Variants in CTNND2 observed in about 807,000 individuals in gnomAD.
The protein encoded by CTNND2 is catenin delta-2.
Under a neutral mutation model 144.4 loss-of-function variants are expected in CTNND2, and 22 were observed. The observed-to-expected ratio is 0.15, with a 90% CI of 0.11 to 0.22. The LOEUF (loss-of-function observed/expected upper bound fraction) is 0.22. Among genes scored for constraint, CTNND2 ranks in the 10% least tolerant of loss-of-function variants. The pLI, the probability that CTNND2 is intolerant of heterozygous loss-of-function variation, is 1.00. For missense variants in CTNND2, 1,353 were observed against 1,618.8 expected (o/e 0.84, Z 2.82); for synonymous variants, 751 against 695.6 (o/e 1.08, Z -1.25).
At chr5:11,870,754 G>C (rs1735039319) in intron 1 of CTNND2, among the ~76,000 whole-genome samples, 1 of 152,176 alleles carries the variant, frequency 6.6e-6, no homozygotes, top group South Asian at 2.1e-4. Context: ...TGCAAGAACT[G>C]GCAGGAAAAT....
chr5:11,391,845 G>A (rs940281246), intron 6 of CTNND2, among the ~76,000 whole-genome samples: 8 of 152,314 alleles, frequency 5.3e-5, no homozygotes, highest in African/African-American at 1.9e-4. Flanking sequence ...GGTTTACCTG[G>A]TGGTGATGTC....
At chr5:11,426,177 C>A (rs1254598715) in intron 3 of CTNND2, among the ~76,000 whole-genome samples, 1 of 152,178 alleles carries the variant, frequency 6.6e-6, no homozygotes, top group African/African-American at 2.4e-5. Context: ...GTTGTAGCCC[C>A]CCTTGAAAAA....
At chr5:11,595,293 C>T (rs563427895) in intron 2 of CTNND2, among the ~76,000 whole-genome samples, 66 of 152,306 alleles carry the variant, frequency 4.3e-4, no homozygotes, top group African/African-American at 1.6e-3. Flanking sequence ...AACCCCAGTG[C>T]TGCCTGCTGC....
At chr5:11,442,201 C>T (rs1764330127) in intron 3 of CTNND2, among the ~76,000 whole-genome samples, 1 of 152,082 alleles carries the variant, frequency 6.6e-6, no homozygotes, top group Admixed American at 6.5e-5. Context: ...ATTTATTTTG[C>T]ATCTTATTAT....
At chr5:11,842,677 C>T (rs1196880111) in intron 1 of CTNND2, among the ~76,000 whole-genome samples, 1 of 151,080 alleles carries the variant, frequency 6.6e-6, no homozygotes, top group Non-Finnish European at 1.5e-5. Context: ...GGAGATGGTG[C>T]CACTGCACTC....
At chr5:11,139,350 G>A (rs998731611) in intron 12 of CTNND2, among the ~76,000 whole-genome samples, 2 of 152,188 alleles carry the variant, frequency 1.3e-5, no homozygotes, top group Non-Finnish European at 2.9e-5. Flanking sequence ...CTGCGTGTTA[G>A]AGTTCAGGAC....
intron 9 of CTNND2, among the ~76,000 whole-genome samples, chr5:11,303,691 A>C (rs1210626314): frequency 6.6e-6 from 1 of 152,152 alleles, no homozygotes; most frequent in East Asian, 1.9e-4. Context: ...AGGAGGAAGT[A>C]TGTGGTAATG....
intron 12 of CTNND2, among the ~76,000 whole-genome samples, chr5:11,157,753 C>G (rs1758360733): frequency 6.6e-6 from 1 of 152,212 alleles, no homozygotes; most frequent in Admixed American, 6.5e-5. Flanking sequence ...TCACAGATGT[C>G]TGCATGACAA....
Position 11,022,915 on chromosome 5 carries a change from T to C in CTNND2, c.2853A>G (p.Ala951=), listed in dbSNP as rs771249709. 15 of 1,614,114 alleles carry C rather than the reference T, an allele frequency of 9.3e-6. No individual in the cohort carries two copies. In the South Asian group the frequency reaches 1.6e-4, roughly 18 times the overall value. Residue 951 remains alanine, a synonymous_variant, in exon 17 of 22, where the codon GCA becomes GCG. Transcript: ENST00000304623. ...LPGGNNSNNT[A]SKAMSDDTVT... is the part of the protein sequence containing the mutation. ...CTGTGTCATCCGACATGGCCTTGCTTGCAGTGTTGTTGCTGTTGTTCCCTC... is the reference window on the plus strand; with the variant it reads ...CTGTGTCATCCGACATGGCCTTGCTCGCAGTGTTGTTGCTGTTGTTCCCTC...
intron 2 of CTNND2, among the ~76,000 whole-genome samples, chr5:11,634,670 C>A (rs1781589131): frequency 6.6e-6 from 1 of 151,910 alleles, no homozygotes; most frequent in Non-Finnish European, 1.5e-5. Flanking sequence ...GATGAAATGG[C>A]CCAGAAAGTA....
Position 11,385,091 on chromosome 5 carries a change from C to T in CTNND2, c.751G>A (p.Ala251Thr), listed in dbSNP as rs750989092. 5.8e-4 allele frequency: 570 copies of T among 981,866 alleles called. 3 individuals carry two copies. In the African/African-American group the frequency reaches 9.4e-3, roughly 16 times the overall value. The allele number at this position is 981,866 out of a possible 1,614,324, so 60.8% of individuals were successfully genotyped here. A position where few individuals can be genotyped will look rare whatever the true frequency, so the allele number is the denominator to read the frequency against. ...PDAPPAAAAA[A>T]LYYSSSTLPA... ...AGCGTGGAGCTGGAGTAGTAGAGCGCGGCGGCGGCGGCGGCGGGCGGCGCG... is the reference window on the plus strand; with the variant it reads ...AGCGTGGAGCTGGAGTAGTAGAGCGTGGCGGCGGCGGCGGCGGGCGGCGCG... The change falls in exon 7 of 22, where the codon GCG (alanine) becomes ACG (threonine). Residue 251 changes from alanine to threonine, a missense_variant. Ala to Thr is a moderately conservative substitution (Grantham distance 58, BLOSUM62 0). Coordinates refer to ENST00000304623, the MANE Select transcript of CTNND2 (RefSeq NM_001332.4).
chr5:11,109,841 T>C (rs961420662), intron 14 of CTNND2, among the ~76,000 whole-genome samples: 1 of 98,294 alleles, frequency 1.0e-5, no homozygotes, highest in Non-Finnish European at 2.7e-5. Flanking sequence ...TACTCTGCTT[T>C]TTCAAGAAAC....
rs111799738 is a variant in CTNND2 at position 10,977,097 on chromosome 5, T to TA, written c.3418-3385dup. Among the ~76,000 whole-genome samples, 1,305 of 151,920 alleles carry TA rather than the reference T, an allele frequency of 8.6e-3. 12 individuals carry two copies. Among genetic ancestry groups the TA allele is most frequent in the African/African-American group, 0.02 (824 of 41,430 alleles). ...AATTTGAGAACCATTGGCACAGAGGTAAAAAAAATGGGACAGGAAGACAGA... is the reference window on the plus strand; with the variant it reads ...AATTTGAGAACCATTGGCACAGAGGTAAAAAAAAATGGGACAGGAAGACAGA... On this transcript the variant is annotated intron_variant, in intron 21 of 21. Transcript: ENST00000304623.
chr5:11,283,840 T>A (rs1384837095), intron 9 of CTNND2, among the ~76,000 whole-genome samples: 1 of 152,180 alleles, frequency 6.6e-6, no homozygotes, highest in Non-Finnish European at 1.5e-5. Context: ...TTGAGGAAAT[T>A]CATGTAAACC....
At position 10,973,779 on chromosome 5, in the gene CTNND2, C is replaced by CGGCA; in HGVS notation, c.3418-70_3418-67dup. 6.7e-7 allele frequency: 1 copy of CGGCA among 1,500,264 alleles called. No individual in the cohort carries two copies. The highest frequency in any genetic ancestry group is 8.9e-7 in the Non-Finnish European group (1 of 1,122,188). 92.9% of individuals were successfully genotyped at this position (1,500,264 alleles called of 1,614,324 possible). ...CCTTGACTCAGCCTGCCTCTTGCCC[C>CGGCA]GGCACCCAACTCTCCTTCAAAGAAT... On this transcript the variant is annotated intron_variant, in intron 21 of 21. Transcript: ENST00000304623. This position sits in a 1 kb window ranked among gnomAD's most constrained non-coding sequence, Gnocchi z 5.6.
chr5:11,243,554 C>G (rs1364210776), intron 9 of CTNND2, among the ~76,000 whole-genome samples: 2 of 152,186 alleles, frequency 1.3e-5, no homozygotes, highest in Non-Finnish European at 2.9e-5. Context: ...ACTCGTAACT[C>G]TCATTTGTGA....
At chr5:11,265,159 T>C (rs953422023) in intron 9 of CTNND2, among the ~76,000 whole-genome samples, 3 of 152,104 alleles carry the variant, frequency 2.0e-5, no homozygotes, top group African/African-American at 7.2e-5. Flanking sequence ...TCAAAAAAAC[T>C]GCCATAAATG....
At chr5:11,274,350 C>T (rs917243546) in intron 9 of CTNND2, among the ~76,000 whole-genome samples, 2 of 152,102 alleles carry the variant, frequency 1.3e-5, no homozygotes, top group African/African-American at 4.8e-5. Context: ...TATCTTTGGC[C>T]ATATGCCTAT....
chr5:10,986,253 C>T (rs979798915), intron 20 of CTNND2, among the ~76,000 whole-genome samples: 1 of 152,028 alleles, frequency 6.6e-6, no homozygotes, highest in African/African-American at 2.4e-5. Flanking sequence ...ATTTTGAGTC[C>T]AGGGCACAAT....
Sources: gnomAD v4.1 joint callset for allele counts (sites outside exome capture counted in the v4.1 genomes callset) on GRCh38, gnomAD v4.1.1 for gene constraint, Gnocchi (gnomAD v3.1) non-coding constraint, MANE v1.5 for transcripts, NCBI Gene and HGNC (gene_info 2026-07-23, HGNC 2026-07-21) for gene names.